CTNND2: variants seen among roughly 807,000 people sequenced by gnomAD.
The protein encoded by CTNND2 is catenin delta 2.
In CTNND2, 22 loss-of-function variants were observed where a neutral mutation model predicts 144.4. That is an observed-to-expected ratio of 0.15 (90% confidence interval 0.11 to 0.22). The LOEUF is 0.22. Ranked by LOEUF, CTNND2 falls within the 10% of genes least tolerant of loss-of-function variation. CTNND2 has a pLI of 1.00. For synonymous variants in CTNND2, 751 were observed against 695.6 expected (o/e 1.08, Z -1.25); for missense variants, 1,353 against 1,618.8 (o/e 0.84, Z 2.82).
At chr5:11,768,616 G>C (rs1379383862) in intron 1 of CTNND2, among the ~76,000 whole-genome samples, 3 of 152,160 alleles carry the variant, frequency 2.0e-5, no homozygotes, top group Admixed American at 6.5e-5. Flanking sequence ...AAACATCTGA[G>C]ACACTAAGAG....
intron 2 of CTNND2, among the ~76,000 whole-genome samples, chr5:11,658,210 TA>T (rs1016861920): frequency 6.6e-6 from 1 of 151,602 alleles, no homozygotes; most frequent in African/African-American, 2.4e-5. Context: ...CAAGTAAGAA[TA>T]AAAAAAAATT....
In CTNND2 at chr5:11,384,625, G is replaced by T. The variant is rs568898264; in HGVS notation, c.1177+40C>A. 1.4e-5 allele frequency: 22 copies of T among 1,547,696 alleles called. No individual in the cohort carries two copies. The African/African-American group carries it at 1.8e-4, about 13-fold the overall frequency. ...GCTGCTGCTTCCGCGTCCCCGCCAC[G>T]CGCCCAGGTGAGTCGCGCCAGGTGG... On this transcript the variant is annotated intron_variant, in intron 7 of 21. Coordinates refer to ENST00000304623, the MANE Select transcript of CTNND2 (RefSeq NM_001332.4). The surrounding 1 kb of genome is among the most constrained non-coding windows in gnomAD (Gnocchi z 5.2).
At chr5:11,864,914 G>C (rs1478427546) in intron 1 of CTNND2, among the ~76,000 whole-genome samples, 1 of 107,596 alleles carries the variant, frequency 9.3e-6, no homozygotes, top group African/African-American at 3.8e-5. Context: ...TTTTTTTTGC[G>C]ATGGAGTTTC....
intron 9 of CTNND2, among the ~76,000 whole-genome samples, chr5:11,320,731 GC>G (rs1353014068): frequency 6.6e-6 from 1 of 152,086 alleles, no homozygotes; most frequent in East Asian, 1.9e-4. Context: ...GGAAAGACCC[GC>G]CCCCATGATT....
chr5:11,397,692 GTAGA>G (rs1223921256), intron 5 of CTNND2, among the ~76,000 whole-genome samples: 4 of 152,138 alleles, frequency 2.6e-5, no homozygotes, highest in Non-Finnish European at 5.9e-5. Flanking sequence ...TGCCTGAAGG[GTAGA>G]CAGTGTTTAA....
chr5:11,229,645 CGTGTGTGT>C (rs34293828), intron 10 of CTNND2, among the ~76,000 whole-genome samples: 6 of 143,394 alleles, frequency 4.2e-5, no homozygotes, highest in East Asian at 2.0e-4. Context: ...AGCCATATTG[CGTGTGTGT>C]GTGTGTGTGT....
At chr5:11,691,978 T>A (rs1486459985) in intron 2 of CTNND2, among the ~76,000 whole-genome samples, 1 of 152,236 alleles carries the variant, frequency 6.6e-6, no homozygotes, top group Admixed American at 6.5e-5. Flanking sequence ...TATGTTAACA[T>A]TTTAGTTTAA....
rs191907688 is a variant in CTNND2 at position 11,243,600 on chromosome 5, G to A, written c.1629-6777C>T. 4.3e-3 allele frequency among the ~76,000 whole-genome samples: 654 copies of A among 152,288 alleles called. 3 individuals carry two copies. Among genetic ancestry groups the A allele is most frequent in the Non-Finnish European group, 5.5e-3 (375 of 68,034 alleles). On this transcript the variant is annotated intron_variant, in intron 9 of 21. Coordinates refer to ENST00000304623, the MANE Select transcript of CTNND2 (RefSeq NM_001332.4). ...CTTTAGAAATGTTAATGGAAATGGGGATATGCAAATGTAACCTTTTCTCCA... is the reference window on the plus strand; with the variant it reads ...CTTTAGAAATGTTAATGGAAATGGGAATATGCAAATGTAACCTTTTCTCCA...
intron 9 of CTNND2, among the ~76,000 whole-genome samples, chr5:11,325,623 C>T (rs529370122): frequency 2.0e-5 from 3 of 151,806 alleles, no homozygotes; most frequent in Non-Finnish European, 2.9e-5. Flanking sequence ...GCCCTCCAAC[C>T]GACTGAACTG....
At chr5:11,857,459 C>T (rs918009038) in intron 1 of CTNND2, among the ~76,000 whole-genome samples, 2 of 152,128 alleles carry the variant, frequency 1.3e-5, no homozygotes, top group African/African-American at 2.4e-5. Context: ...CCCTCCTGCA[C>T]GAGAGCCGGA....
intron 16 of CTNND2, among the ~76,000 whole-genome samples, chr5:11,055,475 C>G (rs1285614416): frequency 1.3e-5 from 2 of 152,196 alleles, no homozygotes; most frequent in Non-Finnish European, 2.9e-5. Flanking sequence ...GAAGCCCTAT[C>G]TATCCACCCT....
intron 3 of CTNND2, among the ~76,000 whole-genome samples, chr5:11,414,782 TG>T (rs1431370153): frequency 6.6e-6 from 1 of 152,184 alleles, no homozygotes; most frequent in Non-Finnish European, 1.5e-5. Context: ...CCCCAGTGTC[TG>T]TGGTTTCCTT....
chr5:11,370,527 G>A (rs187836807), intron 7 of CTNND2, among the ~76,000 whole-genome samples: 3 of 152,074 alleles, frequency 2.0e-5, no homozygotes, highest in East Asian at 1.9e-4. Context: ...ACTTAATACA[G>A]GTTATGCCAA....
chr5:11,825,872 T>C (rs1438937372), intron 1 of CTNND2, among the ~76,000 whole-genome samples: 2 of 152,060 alleles, frequency 1.3e-5, no homozygotes, highest in Admixed American at 6.6e-5. Flanking sequence ...CAACTAGGAA[T>C]TCTATACCTA....
rs548620742 is a variant in CTNND2, at chr5:11,648,964, C to T, written c.174+83172G>A. Among the ~76,000 whole-genome samples, 4 of 152,330 alleles carry T rather than the reference C, an allele frequency of 2.6e-5. No individual in the cohort carries two copies. In the East Asian group the frequency reaches 5.8e-4, roughly 22 times the overall value. On this transcript the variant is annotated intron_variant, in intron 2 of 21. Coordinates refer to ENST00000304623, the MANE Select transcript of CTNND2 (RefSeq NM_001332.4). Reference sequence around the variant, plus strand: ...CATTAATTGCTGTAGATGGATAACACATTTTTGCGTCTAAGAGAATATTAA... The same window carrying T: ...CATTAATTGCTGTAGATGGATAACATATTTTTGCGTCTAAGAGAATATTAA...
chr5:11,441,824 T>C (rs1052858485), intron 3 of CTNND2, among the ~76,000 whole-genome samples: 6 of 152,148 alleles, frequency 3.9e-5, no homozygotes, highest in Admixed American at 2.6e-4. Flanking sequence ...TCATCAGTTA[T>C]GTGACTATTA....
At position 11,656,346 on chromosome 5, in the gene CTNND2, T is replaced by C. The variant is rs79031281; in HGVS notation, c.174+75790A>G. 5.3e-3 allele frequency among the ~76,000 whole-genome samples: 809 copies of C among 152,068 alleles called. 9 individuals are homozygous for C. Among genetic ancestry groups the C allele is most frequent in the African/African-American group, 0.015 (602 of 41,504 alleles). ...AAAAAAGAGCAGTCTAAGCTGACTT[T>C]ATAAAACCTCTACCTTTGTTCAGCC... On this transcript the variant is annotated intron_variant, in intron 2 of 21. Coordinates refer to ENST00000304623, the MANE Select transcript of CTNND2 (RefSeq NM_001332.4).
rs139037135 is a variant in CTNND2 at position 11,559,703 on chromosome 5, C to T, written c.287+5241G>A. On this transcript the variant is annotated intron_variant, in intron 3 of 21. Transcript: ENST00000304623. ...GGCATGGTGCATATAATCAGAACTG[C>T]CACCTGCTTCTCTGCAGCTTGCTGT... Among the ~76,000 whole-genome samples the T allele has an allele frequency of 2.9e-3, 445 of 152,284 alleles. 2 individuals are homozygous for T. The highest frequency in any genetic ancestry group is 0.01 in the African/African-American group (428 of 41,548).
intron 18 of CTNND2, among the ~76,000 whole-genome samples, chr5:11,013,034 C>T (rs972670400): frequency 1.3e-5 from 2 of 152,142 alleles, no homozygotes; most frequent in African/African-American, 4.8e-5. Flanking sequence ...ACAACAGAGG[C>T]AGAAAGATCT....
Sources: gnomAD v4.1 joint callset for allele counts (sites outside exome capture counted in the v4.1 genomes callset) on GRCh38, gnomAD v4.1.1 for gene constraint, Gnocchi (gnomAD v3.1) non-coding constraint, MANE v1.5 for transcripts, NCBI Gene and HGNC (gene_info 2026-07-23, HGNC 2026-07-21) for gene names.